PCNX1: variants seen among roughly 807,000 people sequenced by gnomAD.
PCNX1 encodes the protein pecanex 1.
PCNX1 carries 78 observed loss-of-function variants against 242.2 expected under a neutral mutation model. That is an observed-to-expected ratio of 0.32 (90% confidence interval 0.27 to 0.39). PCNX1 has a LOEUF of 0.39. PCNX1 is among the 10% of genes least tolerant of loss of function. The pLI, the probability that PCNX1 is intolerant of heterozygous loss-of-function variation, is 1.00. For synonymous variants in PCNX1, 1,024 were observed against 1,032.9 expected, an observed-to-expected ratio of 0.99 and a Z score of 0.17; for missense variants, 2,581 against 2,856.5, an observed-to-expected ratio of 0.90 and a Z score of 2.20.
chr14:70,924,586 C>CTTTAT (rs941905065), intron 1 of PCNX1, among the ~76,000 whole-genome samples: 7 of 151,412 alleles, frequency 4.6e-5, no homozygotes, highest in Non-Finnish European at 7.4e-5. Flanking sequence ...TAGTTTATTC[C>CTTTAT]TTTATTTTAT....
At chr14:71,016,512 T>C (rs181541053) in intron 11 of PCNX1, among the ~76,000 whole-genome samples, 16 of 152,324 alleles carry the variant, frequency 1.1e-4, no homozygotes, top group Admixed American at 2.0e-4. Flanking sequence ...ATACGAGAGT[T>C]ATTAAATTTT....
intron 33 of PCNX1, among the ~76,000 whole-genome samples, chr14:71,108,199 T>C (rs1365143468): frequency 6.6e-6 from 1 of 152,212 alleles, no homozygotes; most frequent in Non-Finnish European, 1.5e-5. Context: ...TCTTAGTAAA[T>C]CCTTCTGACT....
intron 33 of PCNX1, among the ~76,000 whole-genome samples, chr14:71,107,988 T>C (rs1481892112): frequency 1.3e-5 from 2 of 152,212 alleles, no homozygotes; most frequent in Non-Finnish European, 2.9e-5. Context: ...CTCAACAATT[T>C]TTAAGCATAC....
At chr14:71,012,602 C>T (rs534692483) in intron 10 of PCNX1, 185 of 256,100 alleles carry the variant, frequency 7.2e-4, no homozygotes, top group South Asian at 5.6e-3. Flanking sequence ...GAGGCCGAGG[C>T]GGGTGGATCA....
At chr14:70,956,987 T>A (rs1055463082) in intron 2 of PCNX1, among the ~76,000 whole-genome samples, 1 of 99,710 alleles carries the variant, frequency 1.0e-5, no homozygotes, top group Non-Finnish European at 2.3e-5. Context: ...ATATTTGTTT[T>A]TATTATATTA....
chr14:71,108,963 G>A lies in PCNX1; in HGVS notation c.6661G>A (p.Ala2221Thr), dbSNP rs775230315. 5 of 1,614,106 alleles carry A rather than the reference G, an allele frequency of 3.1e-6. No homozygotes were observed. In the Admixed American group the frequency reaches 8.3e-5, roughly 27 times the overall value. The part of the protein sequence containing the change: ...FLATEGGQSS[A>T]TDAQPGNTLS... The stretch of plus-strand genomic sequence containing the variant: ...TGCGACAGAGGGAGGTCAGAGCAGT[G>A]CCACTGATGCACAGCCAGGCAACAC... The change falls in exon 34 of 36, where the codon GCC (alanine) becomes ACC (threonine). Residue 2221 changes from alanine (A) to threonine (T), a missense_variant. By Grantham distance (58) the Ala-to-Thr change is moderately conservative. This residue lies in a region of PCNX1 where 432 missense variants were observed against 433.6 expected (regional missense o/e 1.00). Coordinates refer to ENST00000304743, the MANE Select transcript of PCNX1 (RefSeq NM_014982.3).
intron 11 of PCNX1, among the ~76,000 whole-genome samples, chr14:71,017,566 G>C (rs1462230984): frequency 2.0e-4 from 31 of 152,102 alleles, no homozygotes. Flanking sequence ...GAAAACAGGA[G>C]AAAAGTTTTA....
intron 16 of PCNX1, among the ~76,000 whole-genome samples, chr14:71,030,557 G>A (rs539019155): frequency 6.6e-6 from 1 of 152,174 alleles, no homozygotes; most frequent in South Asian, 2.1e-4. Context: ...AGAAAACAGC[G>A]GTCCCTTTAT....
chr14:70,918,257 A>G (rs1052202051), intron 1 of PCNX1, among the ~76,000 whole-genome samples: 2 of 152,194 alleles, frequency 1.3e-5, no homozygotes, highest in African/African-American at 2.4e-5. Flanking sequence ...CATGAGGATT[A>G]GCTTTCTACC....
intron 11 of PCNX1, among the ~76,000 whole-genome samples, chr14:71,013,658 T>C (rs145490166): frequency 4.8e-4 from 72 of 149,430 alleles, no homozygotes; most frequent in Middle Eastern, 7.0e-3. Context: ...TATCATCTCA[T>C]GTGAAACAAC....
intron 7 of PCNX1, 125 bp from the exon 8 acceptor site, chr14:70,995,616 C>A: frequency 1.4e-6 from 1 of 716,364 alleles, no homozygotes; most frequent in Non-Finnish European, 2.3e-6. Flanking sequence ...AGTTTGTTGG[C>A]GCTTTCTTAG....
At chr14:71,018,975 A>T (rs1859914) in intron 11 of PCNX1, 34 bp from the exon 12 acceptor site, 1,549,106 of 1,569,516 alleles carry the variant, frequency 0.99, 764,529 homozygotes, top group East Asian at 1. Context: ...CTTATACTTA[A>T]GATATACTTA....
At chr14:71,029,457 G>A (rs2060323747) in intron 16 of PCNX1, among the ~76,000 whole-genome samples, 1 of 152,118 alleles carries the variant, frequency 6.6e-6, no homozygotes, top group African/African-American at 2.4e-5. Flanking sequence ...CATTTAAGTA[G>A]CATTTATAGA....
chr14:71,112,735 A>G lies in PCNX1; in HGVS notation c.*2800A>G, dbSNP rs553910424. The G allele has an allele frequency of 2.1e-4, 32 of 152,262 alleles. No homozygotes were observed. Among genetic ancestry groups the G allele is most frequent in the Admixed American group, 2.0e-3 (30 of 15,298 alleles). 9.4% of individuals were successfully genotyped at this position (152,262 alleles called of 1,614,324 possible). A position where few individuals can be genotyped will look rare whatever the true frequency, so the allele number is the denominator to read the frequency against. ...ATGTCTTTAGTTTATAAATTTGCCA[A>G]TGCTTTAATTTCCATAATTTGAAAG... On this transcript the variant is annotated 3_prime_UTR_variant, in exon 36 of 36. Transcript: ENST00000304743.
At chr14:70,919,503 G>A (rs757341807) in intron 1 of PCNX1, among the ~76,000 whole-genome samples, 4 of 152,110 alleles carry the variant, frequency 2.6e-5, no homozygotes, top group Non-Finnish European at 5.9e-5. Context: ...TGGCAGGTGA[G>A]TTGAGACACC....
chr14:71,110,533 G>A lies in PCNX1; in HGVS notation c.*598G>A, dbSNP rs1324539626. The A allele has an allele frequency of 6.5e-6, 1 of 152,788 alleles. No individual in the cohort carries two copies. The highest frequency in any genetic ancestry group is 1.5e-5 in the Non-Finnish European group (1 of 68,214). 9.5% of individuals were successfully genotyped at this position (152,788 alleles called of 1,614,324 possible). A position where few individuals can be genotyped will look rare whatever the true frequency, so the allele number is the denominator to read the frequency against. On this transcript the variant is annotated 3_prime_UTR_variant, in exon 36 of 36. Transcript: ENST00000304743. The stretch of plus-strand genomic sequence containing the variant: ...ATGCACTAAAGTCTGAGATTTCTCA[G>A]AACATTTATTTATATATAAAAATAA...
Position 71,105,465 on chromosome 14 carries a change from C to T in PCNX1, c.6301+25C>T, listed in dbSNP as rs368534815. 9.4e-4 allele frequency: 1,455 copies of T among 1,548,246 alleles called. 1 individual carries two copies. Among genetic ancestry groups the T allele is most frequent in the Non-Finnish European group, 1.1e-3 (1,288 of 1,121,016 alleles). ...GGTAATGTGAAACAAAGTTATATGTCTAATGTTAGCTTCTTAGCCATAGAG... is the reference window on the plus strand; with the variant it reads ...GGTAATGTGAAACAAAGTTATATGTTTAATGTTAGCTTCTTAGCCATAGAG... On this transcript the variant is annotated intron_variant, in intron 33 of 35. Transcript: ENST00000304743.
intron 16 of PCNX1, among the ~76,000 whole-genome samples, chr14:71,031,085 A>G (rs2060369549): frequency 6.6e-6 from 1 of 152,190 alleles, no homozygotes; most frequent in Non-Finnish European, 1.5e-5. Context: ...AAGCCCTTCC[A>G]CCAAAACTCT....
intron 30 of PCNX1, among the ~76,000 whole-genome samples, chr14:71,091,016 C>G (rs1466810269): frequency 6.6e-6 from 1 of 152,174 alleles, no homozygotes; most frequent in Non-Finnish European, 1.5e-5. Context: ...TAGCACACTC[C>G]CATCATTAGC....
Sources: allele counts gnomAD v4.1 joint callset (sites outside exome capture counted in the v4.1 genomes callset), GRCh38; gene constraint gnomAD v4.1.1; regional missense constraint gnomAD v4.1.1; transcripts MANE v1.5; gene names NCBI Gene and HGNC (gene_info 2026-07-23, HGNC 2026-07-21).